The following WWC2 variants were observed in gnomAD, a reference collection of about 807,000 sequenced individuals.
The protein encoded by WWC2 is protein WWC2.
A neutral mutation model predicts 138.5 loss-of-function variants in WWC2; 101 were observed. The ratio of observed to expected loss-of-function variants is 0.73; its 90% CI spans 0.62 to 0.86. The LOEUF (loss-of-function observed/expected upper bound fraction) is 0.86, where lower values mean the gene tolerates loss of function less well. Among genes scored for constraint, WWC2 ranks in the 40% least tolerant of loss-of-function variants. The pLI is 0.00. For synonymous variants in WWC2, 558 were observed against 538.4 expected (o/e 1.04, Z -0.50); for missense variants, 1,420 against 1,419.4 (o/e 1.00, Z -0.01).
At chr4:183,152,606 C>T (rs771585163) in intron 1 of WWC2, among the ~76,000 whole-genome samples, 51 of 151,608 alleles carry the variant, frequency 3.4e-4, no homozygotes, top group Non-Finnish European at 6.2e-4. Flanking sequence ...GGGTCTTGAC[C>T]GGGCATGGTG....
intron 1 of WWC2, among the ~76,000 whole-genome samples, chr4:183,173,379 TTCTA>T (rs1734348275): frequency 6.6e-6 from 1 of 152,036 alleles, no homozygotes; most frequent in Non-Finnish European, 1.5e-5. Flanking sequence ...TAGTAACCTG[TTCTA>T]TCTCTCTGAA....
chr4:183,179,788 C>T (rs565444215), intron 1 of WWC2, among the ~76,000 whole-genome samples: 1 of 152,134 alleles, frequency 6.6e-6, no homozygotes, highest in East Asian at 1.9e-4. Flanking sequence ...TAAATCTGGA[C>T]CTCTAAGGAA....
At chr4:183,277,451 G>A (rs2111394455) in intron 16 of WWC2, among the ~76,000 whole-genome samples, 1 of 151,014 alleles carries the variant, frequency 6.6e-6, no homozygotes, top group Non-Finnish European at 1.5e-5. Flanking sequence ...ACGTGTGCAT[G>A]TGTCTTTACA....
In WWC2 at chr4:183,254,010, C is replaced by G; in HGVS notation, c.1196+11C>G. The G allele has an allele frequency of 6.2e-7, 1 of 1,609,960 alleles. No homozygotes were observed. Among genetic ancestry groups the G allele is most frequent in the South Asian group, 1.1e-5 (1 of 90,594 alleles). On this transcript the variant is annotated intron_variant, in intron 9 of 22. Coordinates refer to ENST00000403733, the MANE Select transcript of WWC2 (RefSeq NM_024949.6). ...AGCTCTGGCCGAGAGGTTTGTTTTCCTTCTGGAAATAGGGCAGCTTAACTC... is the reference window on the plus strand; with the variant it reads ...AGCTCTGGCCGAGAGGTTTGTTTTCGTTCTGGAAATAGGGCAGCTTAACTC...
At chr4:183,187,093 G>C (rs1734827776) in intron 1 of WWC2, among the ~76,000 whole-genome samples, 1 of 152,038 alleles carries the variant, frequency 6.6e-6, no homozygotes, top group African/African-American at 2.4e-5. Flanking sequence ...TTATCTGCTT[G>C]GCTGTCCTCA....
intron 22 of WWC2, among the ~76,000 whole-genome samples, 182 bp from the exon 23 acceptor site, chr4:183,315,481 A>AC (rs36092610): frequency 6.6e-6 from 1 of 150,912 alleles, no homozygotes; most frequent in Admixed American, 6.6e-5. Flanking sequence ...TCTCCTTGAT[A>AC]CCCCCCCTTT....
chr4:183,185,649 G>C (rs529688956), intron 1 of WWC2, among the ~76,000 whole-genome samples: 46 of 152,208 alleles, frequency 3.0e-4, no homozygotes, highest in African/African-American at 1.1e-3. Flanking sequence ...AGCCAACATT[G>C]TGAAGGTTTT....
At chr4:183,308,473 T>TA (rs138757028) in intron 21 of WWC2, among the ~76,000 whole-genome samples, 3,210 of 152,276 alleles carry the variant, frequency 0.021, 105 homozygotes, top group African/African-American at 0.073. Flanking sequence ...AGACTTACTG[T>TA]AAAGCTATGG....
intron 18 of WWC2, among the ~76,000 whole-genome samples, chr4:183,283,759 A>T (rs886248591): frequency 6.6e-6 from 1 of 152,254 alleles, no homozygotes; most frequent in Non-Finnish European, 1.5e-5. Flanking sequence ...TATTCTATTT[A>T]AACCTACAAG....
chr4:183,220,147 A>G (rs960704587), intron 4 of WWC2, among the ~76,000 whole-genome samples: 11 of 152,226 alleles, frequency 7.2e-5, no homozygotes, highest in Non-Finnish European at 2.9e-5. Context: ...TAGAGCCACA[A>G]GGAACTGAAT....
intron 16 of WWC2, among the ~76,000 whole-genome samples, chr4:183,279,778 T>G (rs1395547549): frequency 6.6e-6 from 1 of 152,230 alleles, no homozygotes; most frequent in Non-Finnish European, 1.5e-5. Flanking sequence ...GTGTTTGTAG[T>G]ATTCTCTGAG....
At chr4:183,307,762 ATG>A (rs1235533641) in intron 21 of WWC2, among the ~76,000 whole-genome samples, 1 of 152,238 alleles carries the variant, frequency 6.6e-6, no homozygotes, top group Admixed American at 6.5e-5. Flanking sequence ...ATCATACTTA[ATG>A]CTGAAAAACT....
rs1377255412 is a variant in WWC2, at chr4:183,280,906, C to A, written c.2684+9C>A. 1.9e-6 allele frequency: 3 copies of A among 1,552,084 alleles called. No individual in the cohort carries two copies. Among genetic ancestry groups the A allele is most frequent in the Non-Finnish European group, 2.6e-6 (3 of 1,148,082 alleles). On this transcript the variant is annotated intron_variant, in intron 17 of 22. Coordinates refer to ENST00000403733, the MANE Select transcript of WWC2 (RefSeq NM_024949.6). Reference sequence around the variant, plus strand: ...GGCCCAGATGGAGACTGGTTAAACACTTATTTCCTTTGCTGTTGGGAGCTC... The same window carrying A: ...GGCCCAGATGGAGACTGGTTAAACAATTATTTCCTTTGCTGTTGGGAGCTC...
At chr4:183,216,891 A>G (rs1371507047) in intron 4 of WWC2, among the ~76,000 whole-genome samples, 2 of 152,302 alleles carry the variant, frequency 1.3e-5, no homozygotes, top group African/African-American at 4.8e-5. Flanking sequence ...ATGGTACACA[A>G]TACCATGAGG....
intron 1 of WWC2, among the ~76,000 whole-genome samples, chr4:183,147,933 TA>T (rs1182753445): frequency 6.6e-6 from 1 of 152,218 alleles, no homozygotes; most frequent in East Asian, 1.9e-4. Context: ...ACAGCCTTTA[TA>T]AAATAAATAC....
Position 183,319,204 on chromosome 4 carries a change from C to A in WWC2, c.*3475C>A. The stretch of plus-strand genomic sequence containing the variant: ...TATTATACTAGGTTATCTTAAACAC[C>A]TGAAATAAGTAAATGATTTGCCAAA... On this transcript the variant is annotated 3_prime_UTR_variant, in exon 23 of 23. Transcript: ENST00000403733. The A allele has an allele frequency of 5.3e-6, 1 of 187,602 alleles. No individual in the cohort carries two copies. 11.6% of individuals were successfully genotyped at this position (187,602 alleles called of 1,614,324 possible). A position where few individuals can be genotyped will look rare whatever the true frequency, so the allele number is the denominator to read the frequency against.
chr4:183,286,956 G>T (rs962712140), intron 20 of WWC2, among the ~76,000 whole-genome samples: 2 of 152,168 alleles, frequency 1.3e-5, no homozygotes, highest in African/African-American at 4.8e-5. Context: ...CAGGGTGGGG[G>T]TGTGATGGAT....
chr4:183,291,590 A>G (rs1738452150), intron 21 of WWC2, among the ~76,000 whole-genome samples: 1 of 152,226 alleles, frequency 6.6e-6, no homozygotes. Context: ...TTGGAGTTTT[A>G]CAACTATAGA....
rs143988025 is a variant in WWC2, at chr4:183,152,702, G to A, written c.132-40897G>A. Reference sequence around the variant, plus strand: ...GTTCAAGACCAGCCTGGCCAACATGGTGAAACCTGTCTTTACTAAATATAC... The same window carrying A: ...GTTCAAGACCAGCCTGGCCAACATGATGAAACCTGTCTTTACTAAATATAC... On this transcript the variant is annotated intron_variant, in intron 1 of 22. Coordinates refer to ENST00000403733, the MANE Select transcript of WWC2 (RefSeq NM_024949.6). 4.6e-3 allele frequency among the ~76,000 whole-genome samples: 693 copies of A among 151,890 alleles called. 6 individuals carry two copies. Among genetic ancestry groups the A allele is most frequent in the African/African-American group, 0.016 (642 of 41,404 alleles).
Sources: allele counts gnomAD v4.1 joint callset (sites outside exome capture counted in the v4.1 genomes callset), GRCh38; gene constraint gnomAD v4.1.1; transcripts MANE v1.5; gene names NCBI Gene and HGNC (gene_info 2026-07-23, HGNC 2026-07-21).